The following EPHA5 variants were observed in gnomAD, a reference collection of about 807,000 sequenced individuals.
EPHA5 encodes the protein EPH receptor A5, also known as ephrin type-A receptor 5.
EPHA5 carries 60 observed loss-of-function variants against 105.0 expected under a neutral mutation model. The ratio of observed to expected loss-of-function variants is 0.57; its 90% confidence interval spans 0.46 to 0.71. The LOEUF is 0.71. Ranked by LOEUF, EPHA5 falls within the 30% of genes least tolerant of loss-of-function variation. The pLI is 0.00. For missense variants in EPHA5, 1,218 were observed against 1,274.7 expected (o/e 0.96, Z 0.68); for synonymous variants, 513 against 449.1 (o/e 1.14, Z -1.80).
intron 3 of EPHA5, among the ~76,000 whole-genome samples, chr4:65,512,629 T>G (rs1733732695): frequency 6.6e-6 from 1 of 152,126 alleles, no homozygotes; most frequent in Non-Finnish European, 1.5e-5. Flanking sequence ...ATTGTAAGTT[T>G]TCTGAGGACC....
At chr4:65,567,144 A>C (rs749906621) in intron 3 of EPHA5, among the ~76,000 whole-genome samples, 46 of 151,796 alleles carry the variant, frequency 3.0e-4, no homozygotes, top group Admixed American at 5.9e-4. Flanking sequence ...CTTTAAGTTC[A>C]TAGATCTTTA....
At chr4:65,587,304 G>A (rs1742214765) in intron 3 of EPHA5, among the ~76,000 whole-genome samples, 1 of 152,006 alleles carries the variant, frequency 6.6e-6, no homozygotes. Flanking sequence ...ATTTTGTACA[G>A]TCCAGTTTTG....
chr4:65,419,849 C>T (rs6854074), intron 6 of EPHA5, among the ~76,000 whole-genome samples: 147,524 of 152,236 alleles, frequency 0.97, 71,686 homozygotes, highest in East Asian at 1. Flanking sequence ...GAGACCTCGA[C>T]AGCTATTACG....
intron 2 of EPHA5, among the ~76,000 whole-genome samples, chr4:65,618,436 AT>A (rs1226109119): frequency 6.6e-6 from 1 of 152,200 alleles, no homozygotes; most frequent in African/African-American, 2.4e-5. Flanking sequence ...AAGTCTCTAT[AT>A]TCATAGTTAA....
At chr4:65,410,660 A>G (rs1408684802) in intron 7 of EPHA5, among the ~76,000 whole-genome samples, 3 of 152,212 alleles carry the variant, frequency 2.0e-5, no homozygotes, top group Non-Finnish European at 4.4e-5. Context: ...GTGATATTAT[A>G]CTATGGTTCT....
intron 3 of EPHA5, among the ~76,000 whole-genome samples, chr4:65,556,506 C>T (rs1578415092): frequency 6.6e-6 from 1 of 152,064 alleles, no homozygotes; most frequent in East Asian, 1.9e-4. Context: ...GAATTCAAAG[C>T]ATTAAGTTAC....
At chr4:65,666,763 C>A (rs1262160541) in intron 1 of EPHA5, among the ~76,000 whole-genome samples, 2 of 152,080 alleles carry the variant, frequency 1.3e-5, no homozygotes, top group African/African-American at 2.4e-5. Flanking sequence ...CTCTTATTGT[C>A]TGCTATCCAA....
rs1482205164 is a variant in EPHA5 at position 65,669,898 on chromosome 4, A to G, written c.-156T>C. On this transcript the variant is annotated 5_prime_UTR_variant, in exon 1 of 17. Transcript: ENST00000613740. ...GCTCCTCCAAATGTAGGAACCACGGATCCGGCTGAGACAGCTGAAGTTTGC... is the reference window on the plus strand; with the variant it reads ...GCTCCTCCAAATGTAGGAACCACGGGTCCGGCTGAGACAGCTGAAGTTTGC... 3.5e-6 allele frequency: 4 copies of G among 1,142,082 alleles called. No homozygotes were observed. The African/African-American group carries it at 4.8e-5, about 14-fold the overall frequency. The allele number at this position is 1,142,082 out of a possible 1,614,324, so 70.7% of individuals were successfully genotyped here.
rs937893980 is a variant in EPHA5, at chr4:65,320,233, A to G, written c.*3881T>C. Reference sequence around the variant, plus strand: ...ACAGCACAATAGAGAAAATTATTCAATGTAAACAGCTGTGCTACAGAGTTG... The same window carrying G: ...ACAGCACAATAGAGAAAATTATTCAGTGTAAACAGCTGTGCTACAGAGTTG... On this transcript the variant is annotated 3_prime_UTR_variant, in exon 17 of 17. Coordinates refer to ENST00000613740, the MANE Select transcript of EPHA5 (RefSeq NM_001281766.3). 4.3e-6 allele frequency: 1 copy of G among 229,992 alleles called. No homozygotes were observed. The highest frequency in any genetic ancestry group is 8.6e-6 in the Non-Finnish European group (1 of 116,018). The allele number at this position is 229,992 out of a possible 1,614,324, so 14.2% of individuals were successfully genotyped here.
chr4:65,383,135 TATG>T (rs1719732359), intron 8 of EPHA5, among the ~76,000 whole-genome samples: 1 of 150,184 alleles, frequency 6.7e-6, no homozygotes, highest in Non-Finnish European at 1.5e-5. Context: ...AGATATATGA[TATG>T]AAGAAGACTT....
chr4:65,327,253 T>TA (rs1245098029), intron 16 of EPHA5, among the ~76,000 whole-genome samples: 1 of 151,300 alleles, frequency 6.6e-6, no homozygotes, highest in Non-Finnish European at 1.5e-5. Flanking sequence ...ATTTCATACT[T>TA]ACAGATTTTA....
chr4:65,558,030 C>A (rs1358098720), intron 3 of EPHA5, among the ~76,000 whole-genome samples: 2 of 152,012 alleles, frequency 1.3e-5, no homozygotes, highest in Non-Finnish European at 2.9e-5. Flanking sequence ...GTGGGTGCCA[C>A]CACACCCAGC....
intron 3 of EPHA5, among the ~76,000 whole-genome samples, chr4:65,579,106 A>G (rs910880792): frequency 2.0e-5 from 3 of 151,794 alleles, no homozygotes; most frequent in African/African-American, 7.2e-5. Flanking sequence ...CAGGAAGGGT[A>G]CTTTCTTTAT....
At chr4:65,465,483 G>GAAAGAAAGAAAT (rs1169726021) in intron 5 of EPHA5, among the ~76,000 whole-genome samples, 1 of 82,364 alleles carries the variant, frequency 1.2e-5, no homozygotes, top group Non-Finnish European at 2.6e-5. Context: ...AAGAAAGAAA[G>GAAAGAAAGAAAT]AAAGAAAGAA....
intron 5 of EPHA5, among the ~76,000 whole-genome samples, chr4:65,468,883 C>G (rs1181224917): frequency 6.6e-6 from 1 of 151,508 alleles, no homozygotes; most frequent in South Asian, 2.1e-4. Flanking sequence ...ATTTACTCTC[C>G]ATTTTGTCAC....
Position 65,557,995 on chromosome 4 carries a change from G to A in EPHA5, c.910+43646C>T, listed in dbSNP as rs533089369. ...GGGTTCAAGCGATTCTCATGCCTAA[G>A]CTTCCAGAGTAGCTGGGATTACAGG... On this transcript the variant is annotated intron_variant, in intron 3 of 16. Coordinates refer to ENST00000613740, the MANE Select transcript of EPHA5 (RefSeq NM_001281766.3). Among the ~76,000 whole-genome samples, 10 of 151,966 alleles carry A rather than the reference G, an allele frequency of 6.6e-5. 1 individual carries two copies. The South Asian group carries it at 1.9e-3, about 28-fold the overall frequency.
At chr4:65,642,842 A>G (rs532455627) in intron 2 of EPHA5, among the ~76,000 whole-genome samples, 16 of 152,092 alleles carry the variant, frequency 1.1e-4, no homozygotes, top group African/African-American at 3.9e-4. Flanking sequence ...ATATTATAAT[A>G]GTTTCTTGGA....
chr4:65,595,603 C>G (rs924221153), intron 3 of EPHA5, among the ~76,000 whole-genome samples: 2 of 136,562 alleles, frequency 1.5e-5, no homozygotes, highest in African/African-American at 5.7e-5. Flanking sequence ...TTTTTTGAGA[C>G]GGAGCCTAAC....
intron 8 of EPHA5, among the ~76,000 whole-genome samples, chr4:65,384,428 C>G (rs535493544): frequency 1.3e-5 from 2 of 152,074 alleles, no homozygotes; most frequent in East Asian, 3.9e-4. Flanking sequence ...AACCTAATAA[C>G]TGCAAACTTC....
Sources: gnomAD v4.1 joint callset for allele counts (sites outside exome capture counted in the v4.1 genomes callset) on GRCh38, gnomAD v4.1.1 for gene constraint, MANE v1.5 for transcripts, NCBI Gene and HGNC (gene_info 2026-07-23, HGNC 2026-07-21) for gene names.